The following KCNH1 variants were observed in gnomAD, a reference collection of about 807,000 sequenced individuals.
KCNH1 encodes the protein potassium voltage-gated channel subfamily H member 1, also known as voltage-gated delayed rectifier potassium channel KCNH1.
A neutral mutation model predicts 69.2 loss-of-function variants in KCNH1; 27 were observed. That is an observed-to-expected ratio of 0.39 (90% confidence interval 0.29 to 0.54). The LOEUF (loss-of-function observed/expected upper bound fraction) is 0.54. KCNH1 is among the 20% of genes least tolerant of loss of function. The pLI is 0.68. For synonymous variants in KCNH1, 456 were observed against 487.7 expected (o/e 0.93, Z 0.86); for missense variants, 798 against 1,261.6 (o/e 0.63, Z 5.57).
chr1:210,775,366 C>T lies in KCNH1; in HGVS notation c.2094G>A (p.Thr698=), dbSNP rs753229797. Residue 698 remains threonine (T), a synonymous_variant, in exon 10 of 11, where the codon ACG becomes ACA. Transcript: ENST00000271751. The stretch of plus-strand genomic sequence containing the variant: ...AGCTCACCCTCTTCCTCAAGTTGTA[C>T]GTCAGAATCAGGTTCCGGGAGAAGG... ...SHSFSRNLIL[T]YNLRKRIVFR... The T allele has an allele frequency of 9.3e-6, 15 of 1,613,876 alleles. No individual in the cohort carries two copies. Among genetic ancestry groups the T allele is most frequent in the Admixed American group, 1.7e-5 (1 of 59,988 alleles).
At chr1:210,939,076 G>A (rs773757861) in intron 6 of KCNH1, among the ~76,000 whole-genome samples, 6 of 152,112 alleles carry the variant, frequency 3.9e-5, no homozygotes, top group Admixed American at 6.6e-5. Context: ...CCCCATAGGC[G>A]GAGCTGGACA....
intron 7 of KCNH1, among the ~76,000 whole-genome samples, chr1:210,845,262 A>G (rs1296519505): frequency 6.6e-6 from 1 of 152,216 alleles, no homozygotes; most frequent in African/African-American, 2.4e-5. Context: ...AAAGCCTGGC[A>G]GAAACACAAC....
chr1:210,753,222 G>T (rs1013625516), intron 10 of KCNH1, among the ~76,000 whole-genome samples: 1 of 152,144 alleles, frequency 6.6e-6, no homozygotes, highest in Non-Finnish European at 1.5e-5. Flanking sequence ...CCAAGTGTGT[G>T]GGGGACATGG....
At chr1:211,049,917 G>A (rs75416731) in intron 5 of KCNH1, among the ~76,000 whole-genome samples, 1,824 of 152,180 alleles carry the variant, frequency 0.012, 38 homozygotes, top group African/African-American at 0.041. Flanking sequence ...CCTGGACAGT[G>A]GCAGCAGAAG....
At chr1:211,118,481 C>A (rs1691626070) in intron 1 of KCNH1, among the ~76,000 whole-genome samples, 1 of 152,230 alleles carries the variant, frequency 6.6e-6, no homozygotes, top group African/African-American at 2.4e-5. Flanking sequence ...CTACTGCCGC[C>A]TTCTGATGCT....
chr1:211,070,874 G>T (rs1193517911), intron 5 of KCNH1, among the ~76,000 whole-genome samples: 1 of 150,814 alleles, frequency 6.6e-6, no homozygotes, highest in African/African-American at 2.4e-5. Flanking sequence ...AAGAAGGAAA[G>T]ATAAGAATTA....
intron 10 of KCNH1, among the ~76,000 whole-genome samples, chr1:210,690,693 TCTC>T (rs1681509659): frequency 6.6e-6 from 1 of 152,188 alleles, no homozygotes; most frequent in Non-Finnish European, 1.5e-5. Context: ...TGCTACATTT[TCTC>T]CTCGGTATCA....
chr1:210,919,664 C>A lies in KCNH1; in HGVS notation c.1438G>T (p.Ala480Ser), dbSNP rs1687419455. The change falls in exon 7 of 11, where the codon GCA (alanine) becomes TCA (serine). Residue 480 changes from alanine to serine, a missense_variant. By Grantham distance (99) the Ala-to-Ser change is moderately conservative. Around this residue, in one of 4 missense-constraint regions of KCNH1, gnomAD observed 197 missense variants for 407.7 expected, o/e 0.48. Coordinates refer to ENST00000271751, the MANE Select transcript of KCNH1 (RefSeq NM_172362.3). This position sits in a 1 kb window ranked among gnomAD's most constrained non-coding sequence, Gnocchi z 4.2. ...CAGCCAATCATCATGATGGCCACTGCAAAGATCTTCTCAATGTCTGTGGAT... is the reference window on the plus strand; with the variant it reads ...CAGCCAATCATCATGATGGCCACTGAAAAGATCTTCTCAATGTCTGTGGAT... ...APSTDIEKIF[A>S]VAIMMIGSLL... is the part of the protein sequence containing the mutation. The A allele has an allele frequency of 6.2e-7, 1 of 1,613,904 alleles. No homozygotes were observed. The highest frequency in any genetic ancestry group is 1.1e-5 in the South Asian group (1 of 91,042).
intron 3 of KCNH1, among the ~76,000 whole-genome samples, chr1:211,102,072 A>G (rs867729096): frequency 6.6e-6 from 1 of 152,168 alleles, no homozygotes; most frequent in Non-Finnish European, 1.5e-5. Flanking sequence ...TACCTAAAGT[A>G]CAGATCTTCA....
intron 6 of KCNH1, among the ~76,000 whole-genome samples, chr1:210,956,943 T>G (rs1291993030): frequency 3.3e-5 from 5 of 152,180 alleles, no homozygotes; most frequent in Non-Finnish European, 5.9e-5. Context: ...AGTTATTTCT[T>G]GCCTTCTGCT....
intron 7 of KCNH1, among the ~76,000 whole-genome samples, chr1:210,833,758 T>C (rs1685220055): frequency 6.6e-6 from 1 of 151,914 alleles, no homozygotes; most frequent in African/African-American, 2.4e-5. Flanking sequence ...ACCCACAAAA[T>C]GGGAGAAAAT....
At chr1:210,907,377 T>TCCATATGTA (rs1490048792) in intron 7 of KCNH1, among the ~76,000 whole-genome samples, 2 of 152,248 alleles carry the variant, frequency 1.3e-5, no homozygotes, top group African/African-American at 4.8e-5. Context: ...ATGTGATTTC[T>TCCATATGTA]CCATATGTAG....
At chr1:210,924,306 G>A (rs1461880551) in intron 6 of KCNH1, among the ~76,000 whole-genome samples, 4 of 152,210 alleles carry the variant, frequency 2.6e-5, no homozygotes, top group South Asian at 2.1e-4. Flanking sequence ...CAGTGCCTTT[G>A]CAGAAAGGGT....
chr1:210,852,484 C>G (rs1026994097), intron 7 of KCNH1, among the ~76,000 whole-genome samples: 2 of 152,086 alleles, frequency 1.3e-5, no homozygotes, highest in Non-Finnish European at 2.9e-5. Flanking sequence ...TTTTAATTAA[C>G]CTAAGTGACT....
rs114119909 is a variant in KCNH1, at chr1:210,925,081, A to G, written c.1033-5012T>C. Among the ~76,000 whole-genome samples, 1,099 of 152,354 alleles carry G rather than the reference A, an allele frequency of 7.2e-3. 7 individuals carry two copies. Among genetic ancestry groups the G allele is most frequent in the Middle Eastern group, 0.014 (4 of 294 alleles). ...CCAGATGCACAGATATCAATGTAGG[A>G]ACAAAGGAAACATGAAAAAGCAAGA... On this transcript the variant is annotated intron_variant, in intron 6 of 10. Transcript: ENST00000271751.
intron 6 of KCNH1, among the ~76,000 whole-genome samples, chr1:210,959,881 G>C (rs750074234): frequency 6.6e-6 from 1 of 152,174 alleles, no homozygotes; most frequent in Non-Finnish European, 1.5e-5. Context: ...GCAATGCCCC[G>C]CCCTGCTTCA....
chr1:210,918,306 C>T (rs1430467880), intron 7 of KCNH1, among the ~76,000 whole-genome samples: 1 of 152,218 alleles, frequency 6.6e-6, no homozygotes, highest in Non-Finnish European at 1.5e-5. Flanking sequence ...AAAACAGTTT[C>T]TACCTACTGA....
At chr1:210,793,505 C>T (rs1277397726) in intron 9 of KCNH1, among the ~76,000 whole-genome samples, 1 of 152,238 alleles carries the variant, frequency 6.6e-6, no homozygotes, top group Non-Finnish European at 1.5e-5. Context: ...AAACACTCTT[C>T]TTTAAAATAC....
chr1:210,786,610 A>G (rs1233680953), intron 9 of KCNH1, among the ~76,000 whole-genome samples: 1 of 151,988 alleles, frequency 6.6e-6, no homozygotes, highest in African/African-American at 2.4e-5. Context: ...CCTGGCTTCA[A>G]TTGCCACCTA....
Sources: gnomAD v4.1 joint callset for allele counts (sites outside exome capture counted in the v4.1 genomes callset) on GRCh38, gnomAD v4.1.1 for gene constraint, gnomAD v4.1.1 regional missense constraint, Gnocchi (gnomAD v3.1) non-coding constraint, MANE v1.5 for transcripts, NCBI Gene and HGNC (gene_info 2026-07-23, HGNC 2026-07-21) for gene names.